Variants in SH3YL1 observed in about 807,000 individuals in gnomAD.
SH3YL1 encodes the protein SH3 domain-containing YSC84-like protein 1.
SH3YL1 carries 41 observed loss-of-function variants against 45.8 expected under a neutral mutation model. That is an observed-to-expected ratio of 0.89 (90% CI 0.70 to 1.16). The LOEUF is 1.16. Ranked by LOEUF, SH3YL1 falls within the 50% of genes most tolerant of loss-of-function variation. SH3YL1 has a pLI of 0.00. For synonymous variants in SH3YL1, 152 were observed against 151.4 expected, an observed-to-expected ratio of 1.00 and a Z score of -0.03; for missense variants, 389 against 409.6, an observed-to-expected ratio of 0.95 and a Z score of 0.43.
intron 1 of SH3YL1, among the ~76,000 whole-genome samples, chr2:253,611 G>C (rs889526153): frequency 3.9e-5 from 6 of 152,128 alleles, no homozygotes; most frequent in South Asian, 2.1e-4. Flanking sequence ...GAAAACTCAC[G>C]AATAATCCAC....
chr2:253,095 T>C lies in SH3YL1; in HGVS notation c.22A>G (p.Asn8Asp), dbSNP rs533090962. 7 of 1,541,932 alleles carry C rather than the reference T, an allele frequency of 4.5e-6. 1 individual carries two copies. In the South Asian group the frequency reaches 8.4e-5, roughly 18 times the overall value. MNNPIPS[N>D]LKSEAKKAAK... is the part of the protein sequence containing the mutation. ...GCCTTTTTTGCTTCTGATTTCAAAT[T>C]GGAAGGTATAGGGTTATTCACTGAA... is the stretch of plus-strand genomic sequence containing the variant. The change falls in exon 2 of 10, where the codon AAT (asparagine) becomes GAT (aspartate). Residue 8 changes from asparagine (N) to aspartate (D), a missense_variant. Asn to Asp is a conservative substitution (Grantham distance 23). Transcript: ENST00000356150.
At chr2:221,715 A>G (rs376258374) in intron 9 of SH3YL1, among the ~76,000 whole-genome samples, 81 of 152,278 alleles carry the variant, frequency 5.3e-4, no homozygotes, top group African/African-American at 1.9e-3. Flanking sequence ...ATTGACCACA[A>G]ATGCCTCTGC....
intron 4 of SH3YL1, among the ~76,000 whole-genome samples, chr2:239,369 G>A (rs566652721): frequency 2.0e-5 from 3 of 152,302 alleles, no homozygotes; most frequent in South Asian, 4.1e-4. Context: ...AAGGTCAGAT[G>A]AAGAACCTGG....
chr2:238,259 T>TTG (rs3842546), intron 4 of SH3YL1, among the ~76,000 whole-genome samples: 10,643 of 141,746 alleles, frequency 0.075, 395 homozygotes, highest in Middle Eastern at 0.13. Context: ...TCCTCCCTCC[T>TTG]TGTGTGTGTG....
chr2:264,120 C>G, upstream of SH3YL1: 1 of 1,241,360 alleles, frequency 8.1e-7, no homozygotes, highest in Middle Eastern at 3.0e-4. Flanking sequence ...GCAAAACACC[C>G]GCCGTGTACG....
chr2:227,895 G>GTA (rs1247380930), intron 8 of SH3YL1, among the ~76,000 whole-genome samples: 2 of 151,842 alleles, frequency 1.3e-5, no homozygotes, highest in Non-Finnish European at 2.9e-5. Flanking sequence ...AATTATGTGT[G>GTA]TGTGTGTGTG....
At chr2:223,526 G>A (rs562608980) in intron 9 of SH3YL1, among the ~76,000 whole-genome samples, 1 of 152,260 alleles carries the variant, frequency 6.6e-6, no homozygotes, top group East Asian at 1.9e-4. Flanking sequence ...GTAAGAGGCT[G>A]TGTAAGATAA....
chr2:241,287 A>C (rs1668533131), intron 4 of SH3YL1: 1 of 152,160 alleles, frequency 6.6e-6, no homozygotes. Flanking sequence ...AATTTACTAG[A>C]GAAGTTTAAC....
At chr2:264,777 A>G (rs993531651), upstream of SH3YL1, 3 of 599,934 alleles carry the variant, frequency 5.0e-6, no homozygotes, top group South Asian at 4.4e-5. Flanking sequence ...CGCCCGTCCT[A>G]CTACCGTCAT....
At chr2:249,463 C>T (rs558455527) in intron 3 of SH3YL1, among the ~76,000 whole-genome samples, 71 of 152,280 alleles carry the variant, frequency 4.7e-4, no homozygotes, top group African/African-American at 1.4e-3. Flanking sequence ...ATTTGCTCCA[C>T]GGAAGAATTA....
chr2:221,125 A>AT (rs1284079561), intron 9 of SH3YL1, among the ~76,000 whole-genome samples: 1 of 152,216 alleles, frequency 6.6e-6, no homozygotes, highest in Non-Finnish European at 1.5e-5. Context: ...AGCTTCAGAG[A>AT]TAACAAGTAA....
chr2:230,112 CTT>C lies in SH3YL1; in HGVS notation c.703-70_703-69del, dbSNP rs2103024521. On this transcript the variant is annotated intron_variant, in intron 7 of 9. Transcript: ENST00000356150. ...TGTTTTTACTTAGGCACATATAACTCTTTTCTAATGAGGTTATGTAGCAAACT... is the reference window on the plus strand; with the variant it reads ...TGTTTTTACTTAGGCACATATAACTCTTCTAATGAGGTTATGTAGCAAACT... 5 of 1,244,528 alleles carry C rather than the reference CTT, an allele frequency of 4.0e-6. No individual in the cohort carries two copies. The South Asian group carries it at 6.8e-5, about 17-fold the overall frequency. 77.1% of individuals were successfully genotyped at this position (1,244,528 alleles called of 1,614,324 possible).
intron 1 of SH3YL1, chr2:260,569 G>A (rs960156930): frequency 6.6e-6 from 1 of 152,200 alleles, no homozygotes; most frequent in African/African-American, 2.4e-5. Context: ...TCTCCACAAG[G>A]GGAGAGTCTG....
chr2:226,940 C>A (rs917749418), intron 8 of SH3YL1, among the ~76,000 whole-genome samples: 1 of 151,556 alleles, frequency 6.6e-6, no homozygotes, highest in Non-Finnish European at 1.5e-5. Flanking sequence ...TGGATAGTAA[C>A]CATGGTGAAA....
intron 8 of SH3YL1, 109 bp from the exon 9 acceptor site, chr2:225,029 T>C (rs993769791): frequency 2.5e-6 from 2 of 802,690 alleles, no homozygotes; most frequent in Non-Finnish European, 4.3e-6. Context: ...TTTAAATCAC[T>C]AAGTTGATAG....
intron 1 of SH3YL1, among the ~76,000 whole-genome samples, chr2:254,992 A>T (rs531488865): frequency 1.3e-5 from 2 of 152,332 alleles, no homozygotes; most frequent in Admixed American, 6.5e-5. Context: ...TCTGGATCTA[A>T]TCAATCTTAC....
At position 237,407 on chromosome 2, in the gene SH3YL1, T is replaced by C. The variant is rs555584646; in HGVS notation, c.292-3135A>G. On this transcript the variant is annotated intron_variant, in intron 4 of 9. Transcript: ENST00000356150. Reference sequence around the variant, plus strand: ...AGCTCTGCAGACAGCTTGGCGAGCATGTGAGCAGCAATGGCCCTCAGTTTA... The same window carrying C: ...AGCTCTGCAGACAGCTTGGCGAGCACGTGAGCAGCAATGGCCCTCAGTTTA... Among the ~76,000 whole-genome samples the C allele has an allele frequency of 2.6e-5, 4 of 152,154 alleles. No homozygotes were observed. In the East Asian group the frequency reaches 5.8e-4, roughly 22 times the overall value.
intron 4 of SH3YL1, chr2:240,522 G>A (rs1668497122): frequency 6.6e-6 from 1 of 152,210 alleles, no homozygotes; most frequent in Non-Finnish European, 1.5e-5. Context: ...ACCATTGGTG[G>A]TCTAGAAAAT....
Position 234,159 on chromosome 2 carries a change from C to A in SH3YL1, c.404+1G>T. On this transcript the variant is annotated splice_donor_variant, in intron 5 of 9. Transcript: ENST00000356150. LOFTEE classifies it high-confidence loss of function. Reference sequence around the variant, plus strand: ...GTCTAACATCTATTTAAAGAACTCACCTTCCCAAGGGCCCAACCGCCACAG... The same window carrying A: ...GTCTAACATCTATTTAAAGAACTCAACTTCCCAAGGGCCCAACCGCCACAG... 1 of 1,608,866 alleles carries A rather than the reference C, an allele frequency of 6.2e-7. No homozygotes were observed. Among genetic ancestry groups the A allele is most frequent in the Non-Finnish European group, 8.5e-7 (1 of 1,177,886 alleles).
Sources: allele counts gnomAD v4.1 joint callset (sites outside exome capture counted in the v4.1 genomes callset), GRCh38; gene constraint gnomAD v4.1.1; transcripts MANE v1.5; gene names NCBI Gene and HGNC (gene_info 2026-07-23, HGNC 2026-07-21).